Variants in MTDH observed in about 807,000 individuals in gnomAD.
The protein encoded by MTDH is metadherin.
In MTDH, 34 loss-of-function variants were observed where a neutral mutation model predicts 72.7. The ratio of observed to expected loss-of-function variants is 0.47; its 90% CI spans 0.36 to 0.62. The LOEUF is 0.62. MTDH is among the 20% of genes least tolerant of loss of function. MTDH has a pLI of 0.00. For synonymous variants in MTDH, 266 were observed against 268.9 expected (o/e 0.99, Z 0.10); for missense variants, 677 against 699.4 (o/e 0.97, Z 0.36).
chr8:97,665,164 A>G (rs1367709458), intron 2 of MTDH, among the ~76,000 whole-genome samples: 1 of 152,160 alleles, frequency 6.6e-6, no homozygotes, highest in African/African-American at 2.4e-5. Context: ...GCACTTTGAG[A>G]AGTACAATTT....
intron 2 of MTDH, among the ~76,000 whole-genome samples, chr8:97,682,245 TATATATATATATATATATATATA>T (rs1563542266): frequency 4.1e-4 from 5 of 12,138 alleles, no homozygotes; most frequent in South Asian, 1.8e-3. Context: ...TATATATATA[TATATATATATATATATATATATA>T]TATATATATA....
intron 8 of MTDH, among the ~76,000 whole-genome samples, chr8:97,712,869 G>C (rs758464916): frequency 6.6e-6 from 1 of 151,912 alleles, no homozygotes; most frequent in Non-Finnish European, 1.5e-5. Flanking sequence ...TTTCTAAGGG[G>C]ATTTTTTTTT....
At chr8:97,662,347 T>C (rs898312891) in intron 2 of MTDH, among the ~76,000 whole-genome samples, 7 of 149,396 alleles carry the variant, frequency 4.7e-5, no homozygotes, top group Admixed American at 1.3e-4. Context: ...CCCCTCCCCC[T>C]TTTTAAAAAA....
intron 2 of MTDH, among the ~76,000 whole-genome samples, chr8:97,685,216 G>T (rs1020031270): frequency 6.6e-6 from 1 of 151,546 alleles, no homozygotes; most frequent in African/African-American, 2.4e-5. Context: ...GTCTAGTTTA[G>T]TACATGTAAT....
At chr8:97,655,178 C>T (rs1374464815) in intron 1 of MTDH, among the ~76,000 whole-genome samples, 1 of 152,234 alleles carries the variant, frequency 6.6e-6, no homozygotes, top group Non-Finnish European at 1.5e-5. Context: ...GTCTCCCAGC[C>T]TGCTTTCAAA....
intron 2 of MTDH, among the ~76,000 whole-genome samples, chr8:97,676,785 C>T (rs1029348806): frequency 5.3e-5 from 8 of 151,696 alleles, no homozygotes; most frequent in South Asian, 2.1e-4. Flanking sequence ...GGACAGATCA[C>T]GAGGTCAGGA....
At position 97,691,171 on chromosome 8, in the gene MTDH, C is replaced by A; in HGVS notation, c.1031C>A (p.Ser344Ter). 1.2e-6 allele frequency: 2 copies of A among 1,601,712 alleles called. No homozygotes were observed. Among genetic ancestry groups the A allele is most frequent in the Non-Finnish European group, 8.5e-7 (1 of 1,173,438 alleles). The change falls in exon 6 of 12, where the codon TCA (serine) becomes TAA (stop). Residue 344 changes from serine (S) to a stop codon, truncating the protein, a stop_gained. Coordinates refer to ENST00000336273, the MANE Select transcript of MTDH (RefSeq NM_178812.4). LOFTEE classifies it high-confidence loss of function. ...KDWGRSWSDR[S>*]IFSGIGSTAE... ...TGGGGAAGGAGTTGGAGTGACCGTTCAATATTTTCTGGCATTGGTAAGAAG... is the reference window on the plus strand; with the variant it reads ...TGGGGAAGGAGTTGGAGTGACCGTTAAATATTTTCTGGCATTGGTAAGAAG...
chr8:97,660,159 C>CAA (rs200417228), intron 1 of MTDH, among the ~76,000 whole-genome samples: 1 of 151,402 alleles, frequency 6.6e-6, no homozygotes, highest in Non-Finnish European at 1.5e-5. Flanking sequence ...AACTCCGTCT[C>CAA]AAAAAAAAGG....
chr8:97,665,902 G>A (rs7009341), intron 2 of MTDH, among the ~76,000 whole-genome samples: 4,800 of 152,186 alleles, frequency 0.032, 278 homozygotes, highest in African/African-American at 0.11. Context: ...AGAGGCGGGC[G>A]GATTACGAGA....
chr8:97,700,815 G>A (rs775133563), intron 7 of MTDH, among the ~76,000 whole-genome samples: 1 of 152,166 alleles, frequency 6.6e-6, no homozygotes, highest in African/African-American at 2.4e-5. Context: ...TTGCTAGTCT[G>A]GCTCTAGAGT....
chr8:97,686,598 T>C lies in MTDH; in HGVS notation c.484-70T>C, dbSNP rs888064170. The stretch of plus-strand genomic sequence containing the variant: ...GTTGTCAGCATCATACATTTCATTA[T>C]GTATTTTACTGACTCCTACTTATTC... On this transcript the variant is annotated intron_variant, in intron 2 of 11. Coordinates refer to ENST00000336273, the MANE Select transcript of MTDH (RefSeq NM_178812.4). 5 of 873,698 alleles carry C rather than the reference T, an allele frequency of 5.7e-6. No homozygotes were observed. In the Admixed American group the frequency reaches 1.8e-4, roughly 32 times the overall value. The allele number at this position is 873,698 out of a possible 1,614,324, so 54.1% of individuals were successfully genotyped here.
rs1177091280 is a variant in MTDH at position 97,727,887 on chromosome 8, G to A, written c.*3217G>A. On this transcript the variant is annotated 3_prime_UTR_variant, in exon 12 of 12. Transcript: ENST00000336273. Reference sequence around the variant, plus strand: ...CAGTTGAGAGAGTCCAAAAAAAAAAGTATTAAAATGTGATTGATGTAATTT... The same window carrying A: ...CAGTTGAGAGAGTCCAAAAAAAAAAATATTAAAATGTGATTGATGTAATTT... The A allele has an allele frequency of 2.6e-5, 4 of 151,980 alleles. No homozygotes were observed. Among genetic ancestry groups the A allele is most frequent in the East Asian group, 1.9e-4 (1 of 5,196 alleles). The allele number at this position is 151,980 out of a possible 1,614,324, so 9.4% of individuals were successfully genotyped here.
At chr8:97,673,281 G>A (rs866701304) in intron 2 of MTDH, among the ~76,000 whole-genome samples, 1 of 152,150 alleles carries the variant, frequency 6.6e-6, no homozygotes, top group Non-Finnish European at 1.5e-5. Context: ...AGCACTTCAG[G>A]AGGCCAAGAA....
chr8:97,689,110 G>A lies in MTDH; in HGVS notation c.811+7G>A. 1 of 1,544,744 alleles carries A rather than the reference G, an allele frequency of 6.5e-7. No homozygotes were observed. The highest frequency in any genetic ancestry group is 1.4e-5 in the African/African-American group (1 of 73,458). The stretch of plus-strand genomic sequence containing the variant: ...GGAGATTCTACACTTCAGGGTGAGA[G>A]AAATTACATGTAACTTAAATTGAAG... On this transcript the variant is annotated splice_region_variant and intron_variant, in intron 5 of 11. Transcript: ENST00000336273.
chr8:97,693,966 C>A (rs1340658734), intron 6 of MTDH, among the ~76,000 whole-genome samples: 3 of 151,844 alleles, frequency 2.0e-5, no homozygotes, highest in Non-Finnish European at 4.4e-5. Context: ...CCACCTGCCT[C>A]GGCTTCTCAC....
chr8:97,665,984 C>T (rs1023272745), intron 2 of MTDH, among the ~76,000 whole-genome samples: 11 of 152,012 alleles, frequency 7.2e-5, no homozygotes, highest in Admixed American at 6.6e-4. Context: ...AAAAATTAGC[C>T]GGGCATGGTG....
intron 2 of MTDH, among the ~76,000 whole-genome samples, chr8:97,677,136 T>C: frequency 7.9e-6 from 1 of 126,744 alleles, no homozygotes. Context: ...TGAGCCTTGA[T>C]CACACCACTG....
intron 2 of MTDH, among the ~76,000 whole-genome samples, chr8:97,670,650 G>T (rs1356735341): frequency 6.6e-6 from 1 of 152,108 alleles, no homozygotes; most frequent in African/African-American, 2.4e-5. Context: ...AAAAATAAAT[G>T]CCTGAAACTG....
At chr8:97,657,152 A>G (rs1812010722) in intron 1 of MTDH, among the ~76,000 whole-genome samples, 1 of 152,150 alleles carries the variant, frequency 6.6e-6, no homozygotes. Context: ...TTGTGCATGC[A>G]TTTTAAAAAA....
Sources: gnomAD v4.1 joint callset for allele counts (sites outside exome capture counted in the v4.1 genomes callset) on GRCh38, gnomAD v4.1.1 for gene constraint, MANE v1.5 for transcripts, NCBI Gene and HGNC (gene_info 2026-07-23, HGNC 2026-07-21) for gene names.